ESCO1: variants seen among roughly 807,000 people sequenced by gnomAD.
ESCO1 encodes establishment of sister chromatid cohesion N-acetyltransferase 1, also known as N-acetyltransferase ESCO1.
In ESCO1, 33 loss-of-function variants were observed where a neutral mutation model predicts 83.5. The ratio of observed to expected loss-of-function variants is 0.40; its 90% CI spans 0.30 to 0.53. The LOEUF is 0.53. Among genes scored for constraint, ESCO1 ranks in the 20% least tolerant of loss-of-function variants. ESCO1 has a pLI of 0.63. For synonymous variants in ESCO1, 332 were observed against 324.3 expected (o/e 1.02, Z -0.25); for missense variants, 855 against 968.0 (o/e 0.88, Z 1.55).
chr18:21,578,041 G>A (rs1330344567), intron 2 of ESCO1, among the ~76,000 whole-genome samples: 1 of 151,870 alleles, frequency 6.6e-6, no homozygotes, highest in African/African-American at 2.4e-5. Flanking sequence ...ACCTATAATC[G>A]CTAAGACACA....
intron 1 of ESCO1, chr18:21,597,083 T>G (rs1023087980): frequency 3.3e-5 from 5 of 152,204 alleles, no homozygotes; most frequent in African/African-American, 1.2e-4. Flanking sequence ...GCAAAACACA[T>G]GTAGACATGG....
chr18:21,583,731 T>A (rs1195146554), intron 2 of ESCO1, among the ~76,000 whole-genome samples: 1 of 150,262 alleles, frequency 6.7e-6, no homozygotes, highest in Admixed American at 6.6e-5. Context: ...GGATGAAGAG[T>A]GGAGAGAGGG....
chr18:21,563,615 T>G (rs532074592), intron 7 of ESCO1, among the ~76,000 whole-genome samples: 12 of 152,310 alleles, frequency 7.9e-5, no homozygotes, highest in African/African-American at 2.9e-4. Context: ...CCCAAAGTGC[T>G]GGGATTATAG....
rs375703709 is a variant in ESCO1, at chr18:21,574,336, T to C, written c.508A>G (p.Thr170Ala). 3.8e-5 allele frequency: 62 copies of C among 1,613,836 alleles called. No individual in the cohort carries two copies. In the South Asian group the frequency reaches 5.7e-4, roughly 15 times the overall value. ...CSSTQSKSNKTSQKHVKRKVL... is the reference protein window; with the variant it reads ...CSSTQSKSNKASQKHVKRKVL... ...TTTCTCTTCACATGTTTTTGACTTG[T>C]TTTATTAGATTTACTCTGAGTACTG... The change falls in exon 4 of 12, where the codon ACA becomes GCA. Residue 170 changes from threonine to alanine, a missense_variant. This residue lies in a region of ESCO1 where 726 missense variants were observed against 699.5 expected (regional missense o/e 1.04). Transcript: ENST00000269214.
intron 8 of ESCO1, among the ~76,000 whole-genome samples, chr18:21,552,361 G>A (rs1298510372): frequency 1.3e-5 from 2 of 152,110 alleles, no homozygotes; most frequent in African/African-American, 2.4e-5. Flanking sequence ...TTGACTCATG[G>A]GGGTAGTTAC....
At chr18:21,545,256 A>G (rs1258771384) in intron 8 of ESCO1, among the ~76,000 whole-genome samples, 1 of 152,120 alleles carries the variant, frequency 6.6e-6, no homozygotes, top group South Asian at 2.1e-4. Context: ...TTTACATGTT[A>G]TAAGTCAGTA....
In ESCO1 at chr18:21,574,277, A is replaced by G. The variant is rs373308696; in HGVS notation, c.567T>C (p.Asp189=). Residue 189 remains aspartate, a synonymous_variant, in exon 4 of 12, where the codon GAT becomes GAC. Transcript: ENST00000269214. ...TTACTTCATTAATTACTAGATTTTC[A>G]TCTTCTTTAGAGTCAGACTTTACTT... ...VLEVKSDSKE[D]ENLVINEVIN... The G allele has an allele frequency of 2.0e-5, 33 of 1,613,468 alleles. No individual in the cohort carries two copies. The highest frequency in any genetic ancestry group is 2.8e-5 in the Non-Finnish European group (33 of 1,179,948).
At chr18:21,564,347 C>G (rs1384329859) in intron 6 of ESCO1, 30 bp from the exon 7 acceptor site, 2 of 1,383,114 alleles carry the variant, frequency 1.4e-6, no homozygotes, top group South Asian at 2.5e-5. Context: ...CTAAATGTTA[C>G]AGATCCAAGT....
chr18:21,584,937 C>A (rs1441285877), intron 1 of ESCO1, among the ~76,000 whole-genome samples: 1 of 152,030 alleles, frequency 6.6e-6, no homozygotes, highest in Non-Finnish European at 1.5e-5. Context: ...GAGGTCAGTT[C>A]AAGACCAGCA....
At chr18:21,532,046 A>G (rs2037773863) in intron 11 of ESCO1, among the ~76,000 whole-genome samples, 2 of 152,178 alleles carry the variant, frequency 1.3e-5, no homozygotes, top group South Asian at 4.1e-4. Context: ...CTGACAGTCA[A>G]GTGATAAAAG....
intron 2 of ESCO1, among the ~76,000 whole-genome samples, chr18:21,577,133 T>A (rs2038429415): frequency 6.6e-6 from 1 of 151,048 alleles, no homozygotes; most frequent in African/African-American, 2.4e-5. Context: ...GGCAGGCGAA[T>A]CACTTGTGGC....
In ESCO1 at chr18:21,595,384, AAAG is replaced by A. The variant is rs1359431953; in HGVS notation, c.-825+5236_-825+5238del. On this transcript the variant is annotated intron_variant, in intron 1 of 11. Coordinates refer to ENST00000269214, the MANE Select transcript of ESCO1 (RefSeq NM_052911.3). ...CGTCTCAAAAAAAAAAAAAAAAAAA[AAAG>A]GGGCCGGCGCTGTGGTTCACGCCTG... Among the ~76,000 whole-genome samples, 65 of 149,522 alleles carry A rather than the reference AAAG, an allele frequency of 4.3e-4. No homozygotes were observed. In the South Asian group the frequency reaches 7.7e-3, roughly 18 times the overall value.
At chr18:21,595,161 A>G (rs1470750177) in intron 1 of ESCO1, among the ~76,000 whole-genome samples, 1 of 151,950 alleles carries the variant, frequency 6.6e-6, no homozygotes. Context: ...CCTATGGTAT[A>G]TATTTTAAAC....
rs201263847 is a variant in ESCO1, at chr18:21,535,559, T to C, written c.2187+483A>G. On this transcript the variant is annotated intron_variant, in intron 10 of 11. Transcript: ENST00000269214. ...CACCATGCCAGGCTCATTTTTTGTA[T>C]TTTCAGTAGAGAAAGGGTTTCACCG... 8.5e-4 allele frequency among the ~76,000 whole-genome samples: 130 copies of C among 152,238 alleles called. 1 individual carries two copies. In the Middle Eastern group the frequency reaches 0.014, roughly 16 times the overall value.
At chr18:21,584,556 T>C (rs1238693780) in intron 1 of ESCO1, 116 bp from the exon 2 acceptor site, 3 of 152,220 alleles carry the variant, frequency 2.0e-5, no homozygotes, top group Admixed American at 6.5e-5. Flanking sequence ...CCTGTAATTG[T>C]AGCACTTTGG....
At chr18:21,538,053 A>G (rs904813213) in intron 9 of ESCO1, among the ~76,000 whole-genome samples, 2 of 152,118 alleles carry the variant, frequency 1.3e-5, no homozygotes, top group African/African-American at 4.8e-5. Context: ...TGCATAGAAT[A>G]TATGTAGATA....
intron 1 of ESCO1, among the ~76,000 whole-genome samples, chr18:21,590,038 A>G (rs1364569817): frequency 5.3e-5 from 8 of 151,682 alleles, no homozygotes; most frequent in Admixed American, 3.9e-4. Flanking sequence ...CATGTTAGCC[A>G]GGATCGTCTC....
intron 1 of ESCO1, among the ~76,000 whole-genome samples, chr18:21,592,467 G>A (rs1307774027): frequency 2.0e-5 from 3 of 147,486 alleles, no homozygotes; most frequent in Admixed American, 6.7e-5. Flanking sequence ...GCGGCTGGCC[G>A]GGCAGAGAGG....
At chr18:21,573,292 G>A in intron 4 of ESCO1, 22 bp downstream of exon 4, 1 of 1,536,150 alleles carries the variant, frequency 6.5e-7, no homozygotes, top group Non-Finnish European at 8.7e-7. Flanking sequence ...CACCTCTATT[G>A]TGCATAATAA....
Sources: gnomAD v4.1 joint callset for allele counts (sites outside exome capture counted in the v4.1 genomes callset) on GRCh38, gnomAD v4.1.1 for gene constraint, gnomAD v4.1.1 regional missense constraint, MANE v1.5 for transcripts, NCBI Gene and HGNC (gene_info 2026-07-23, HGNC 2026-07-21) for gene names.